The following THSD7A variants were observed in gnomAD, a reference collection of about 807,000 sequenced individuals.
THSD7A encodes the protein thrombospondin type 1 domain containing 7A.
In THSD7A, 96 loss-of-function variants were observed where a neutral mutation model predicts 231.3. That is an observed-to-expected ratio of 0.41 (90% CI 0.35 to 0.49). THSD7A has a LOEUF of 0.49. Ranked by LOEUF, THSD7A falls within the 20% of genes least tolerant of loss-of-function variation. The pLI is 0.05. For synonymous variants in THSD7A, 940 were observed against 743.3 expected, an observed-to-expected ratio of 1.26 and a Z score of -4.30; for missense variants, 2,290 against 2,070.2, an observed-to-expected ratio of 1.11 and a Z score of -2.06.
At chr7:11,773,440 G>T (rs1163213149) in intron 1 of THSD7A, among the ~76,000 whole-genome samples, 4 of 152,102 alleles carry the variant, frequency 2.6e-5, no homozygotes, top group Non-Finnish European at 5.9e-5. Context: ...TGAGGCAGGA[G>T]AATTGCTTGA....
chr7:11,406,189 G>A lies in THSD7A; in HGVS notation c.4237+111C>T. The A allele has an allele frequency of 9.0e-7, 1 of 1,116,308 alleles. No individual in the cohort carries two copies. The highest frequency in any genetic ancestry group is 1.3e-6 in the Non-Finnish European group (1 of 786,038). 69.2% of individuals were successfully genotyped at this position (1,116,308 alleles called of 1,614,324 possible). ...TTGAGCTGTTGGCATAGATATTACTGAATAAGAAGACTGTTGACATCCTGT... is the reference window on the plus strand; with the variant it reads ...TTGAGCTGTTGGCATAGATATTACTAAATAAGAAGACTGTTGACATCCTGT... On this transcript the variant is annotated intron_variant, in intron 22 of 27. Transcript: ENST00000423059. This position sits in a 1 kb window ranked among gnomAD's most constrained non-coding sequence, Gnocchi z 4.7.
intron 1 of THSD7A, among the ~76,000 whole-genome samples, chr7:11,638,217 T>C (rs1781945868): frequency 6.6e-6 from 1 of 152,216 alleles, no homozygotes; most frequent in Admixed American, 6.5e-5. Context: ...CCTGCTAAAG[T>C]AGGTCAATGG....
At position 11,829,350 on chromosome 7, in the gene THSD7A, G is replaced by T. The variant is rs184116830; in HGVS notation, c.190+2407C>A. On this transcript the variant is annotated intron_variant, in intron 1 of 27. Transcript: ENST00000423059. ...ATTCATATATATGAAGCCCTTTAGG[G>T]GTTAAAAAGGCCCTTAGATATCATT... Among the ~76,000 whole-genome samples, 423 of 152,014 alleles carry T rather than the reference G, an allele frequency of 2.8e-3. 2 individuals are homozygous for T. Among genetic ancestry groups the T allele is most frequent in the African/African-American group, 4.9e-3 (204 of 41,494 alleles).
chr7:11,709,370 C>T (rs1259374231), intron 1 of THSD7A, among the ~76,000 whole-genome samples: 1 of 150,752 alleles, frequency 6.6e-6, no homozygotes, highest in Non-Finnish European at 1.5e-5. Flanking sequence ...TAAAAATCTA[C>T]TGGCATGATT....
chr7:11,647,321 G>C (rs774126981), intron 1 of THSD7A, among the ~76,000 whole-genome samples: 39 of 152,014 alleles, frequency 2.6e-4, no homozygotes, highest in Non-Finnish European at 5.3e-4. Context: ...GTGACTCAGG[G>C]GAACGATGGA....
intron 1 of THSD7A, among the ~76,000 whole-genome samples, chr7:11,684,696 G>A (rs1680487403): frequency 6.6e-6 from 1 of 151,862 alleles, no homozygotes; most frequent in Non-Finnish European, 1.5e-5. Context: ...TCTCTACAAG[G>A]GGGACTACCA....
chr7:11,780,694 A>T (rs1294424771), intron 1 of THSD7A, among the ~76,000 whole-genome samples: 3 of 152,192 alleles, frequency 2.0e-5, no homozygotes, highest in African/African-American at 4.8e-5. Context: ...TGACCCACAG[A>T]AACAATGTGA....
At chr7:11,639,171 C>A (rs1370354664) in intron 1 of THSD7A, among the ~76,000 whole-genome samples, 1 of 152,048 alleles carries the variant, frequency 6.6e-6, no homozygotes, top group Non-Finnish European at 1.5e-5. Context: ...GACTCTAAAT[C>A]CCAGATGTAA....
intron 1 of THSD7A, among the ~76,000 whole-genome samples, chr7:11,716,952 G>C (rs1781158525): frequency 6.6e-6 from 1 of 151,468 alleles, no homozygotes; most frequent in Non-Finnish European, 1.5e-5. Context: ...TTATGAAATA[G>C]AACCACCTTT....
intron 1 of THSD7A, among the ~76,000 whole-genome samples, chr7:11,755,894 C>A (rs372600163): frequency 1.5e-3 from 228 of 152,084 alleles, no homozygotes; most frequent in Middle Eastern, 0.014. Context: ...GTGTCAATAA[C>A]AACTTTTAGA....
chr7:11,409,081 C>T (rs2115376855), intron 19 of THSD7A, among the ~76,000 whole-genome samples: 1 of 152,180 alleles, frequency 6.6e-6, no homozygotes, highest in Middle Eastern at 3.4e-3. Flanking sequence ...AATTTGCTCT[C>T]TCATTTACCT....
In THSD7A at chr7:11,446,236, T is replaced by C. The variant is rs766823991; in HGVS notation, c.2889A>G (p.Ala963=). The change falls in exon 13 of 28, where the codon GCA becomes GCG. Residue 963 remains alanine, a synonymous_variant. Coordinates refer to ENST00000423059, the MANE Select transcript of THSD7A (RefSeq NM_015204.3). This position sits in a 1 kb window ranked among gnomAD's most constrained non-coding sequence, Gnocchi z 4.0. ...AGTCTGACCAGTTCCCCACAGGTTGTGCATTATATTTGTCACAAGGACAAT... is the reference window on the plus strand; with the variant it reads ...AGTCTGACCAGTTCCCCACAGGTTGCGCATTATATTTGTCACAAGGACAAT... ...TQYCPCDKYN[A]QPVGNWSDCI... 7 of 1,613,554 alleles carry C rather than the reference T, an allele frequency of 4.3e-6. No individual in the cohort carries two copies. The South Asian group carries it at 7.7e-5, about 18-fold the overall frequency.
intron 24 of THSD7A, among the ~76,000 whole-genome samples, chr7:11,381,565 T>C (rs1237320288): frequency 6.6e-6 from 1 of 152,118 alleles, no homozygotes; most frequent in Admixed American, 6.6e-5. Context: ...ATGCACACTG[T>C]TTTTTCCCCC....
In THSD7A at chr7:11,373,439, G is replaced by T. The variant is rs943366961; in HGVS notation, c.*2355C>A. 1 of 151,912 alleles carries T rather than the reference G, an allele frequency of 6.6e-6. No individual in the cohort carries two copies. Among genetic ancestry groups the T allele is most frequent in the Admixed American group, 6.6e-5 (1 of 15,212 alleles). 9.4% of individuals were successfully genotyped at this position (151,912 alleles called of 1,614,324 possible). A position where few individuals can be genotyped will look rare whatever the true frequency, so the allele number is the denominator to read the frequency against. On this transcript the variant is annotated 3_prime_UTR_variant, in exon 28 of 28. Transcript: ENST00000423059. The stretch of plus-strand genomic sequence containing the variant: ...CTGATTATATATATTGACAATCACA[G>T]TTTTAAAGTAACAATATTATTTTTT...
intron 6 of THSD7A, among the ~76,000 whole-genome samples, chr7:11,522,862 G>A (rs1788322032): frequency 6.6e-6 from 1 of 151,976 alleles, no homozygotes; most frequent in African/African-American, 2.4e-5. Context: ...AAAATCAACA[G>A]GTACATATGA....
chr7:11,690,043 A>G (rs1479967722), intron 1 of THSD7A, among the ~76,000 whole-genome samples: 1 of 151,778 alleles, frequency 6.6e-6, no homozygotes, highest in Admixed American at 6.6e-5. Flanking sequence ...ATATGACCAT[A>G]CAATCTTAGA....
chr7:11,794,543 T>C (rs563880708), intron 1 of THSD7A, among the ~76,000 whole-genome samples: 1 of 152,086 alleles, frequency 6.6e-6, no homozygotes, highest in East Asian at 1.9e-4. Flanking sequence ...ATATAAGGAT[T>C]TAATTCAGGT....
chr7:11,815,876 C>G (rs568947327), intron 1 of THSD7A, among the ~76,000 whole-genome samples: 6 of 152,204 alleles, frequency 3.9e-5, no homozygotes, highest in Non-Finnish European at 8.8e-5. Flanking sequence ...TCTTCCCACC[C>G]CAAATTATTT....
chr7:11,504,998 T>C (rs1370305998), intron 6 of THSD7A, among the ~76,000 whole-genome samples: 38 of 152,180 alleles, frequency 2.5e-4, no homozygotes, highest in Admixed American at 2.4e-3. Context: ...ATAAGGCAAC[T>C]AGTTAGAGAT....
Sources: gnomAD v4.1 joint callset for allele counts (sites outside exome capture counted in the v4.1 genomes callset) on GRCh38, gnomAD v4.1.1 for gene constraint, Gnocchi (gnomAD v3.1) non-coding constraint, MANE v1.5 for transcripts, NCBI Gene and HGNC (gene_info 2026-07-23, HGNC 2026-07-21) for gene names.